Variants in HIVEP3 observed in about 807,000 individuals in gnomAD.
HIVEP3 encodes transcription factor HIVEP3.
A neutral mutation model predicts 152.8 loss-of-function variants in HIVEP3; 49 were observed. The observed-to-expected ratio is 0.32, with a 90% CI of 0.26 to 0.41. The LOEUF is 0.41. Ranked by LOEUF, HIVEP3 falls within the 10% of genes least tolerant of loss-of-function variation. The pLI is 1.00. For missense variants in HIVEP3, 2,790 were observed against 3,103.3 expected (o/e 0.90, Z 2.40); for synonymous variants, 1,269 against 1,289.0 (o/e 0.98, Z 0.33).
intron 1 of HIVEP3, among the ~76,000 whole-genome samples, chr1:41,906,847 T>TTTC (rs1557508635): frequency 2.7e-5 from 4 of 146,596 alleles, no homozygotes; most frequent in South Asian, 2.2e-4. Context: ...TTTTTTTTTT[T>TTTC]TCTCTCTCTC....
At chr1:41,980,154 T>C (rs1189441393) in intron 1 of HIVEP3, among the ~76,000 whole-genome samples, 1 of 152,214 alleles carries the variant, frequency 6.6e-6, no homozygotes, top group Non-Finnish European at 1.5e-5. Flanking sequence ...AATTTGGCAG[T>C]TTCTTAAAAC....
At chr1:41,644,978 C>T (rs958376336) in intron 2 of HIVEP3, among the ~76,000 whole-genome samples, 1 of 152,150 alleles carries the variant, frequency 6.6e-6, no homozygotes, top group Admixed American at 6.5e-5. Flanking sequence ...TGCAGAAACA[C>T]TCTGACGCAT....
In HIVEP3 at chr1:41,516,661, C is replaced by T. The variant is rs973946547; in HGVS notation, c.5470+1741G>A. The stretch of plus-strand genomic sequence containing the variant: ...CTCCAGGGCACCCCCCCATGCCCTT[C>T]AGCCCTCAGGCTCTAGCTCTCTCTG... On this transcript the variant is annotated intron_variant, in intron 7 of 8. Transcript: ENST00000372583. Among the ~76,000 whole-genome samples, 3 of 152,208 alleles carry T rather than the reference C, an allele frequency of 2.0e-5. No individual in the cohort carries two copies. In the East Asian group the frequency reaches 5.8e-4, roughly 29 times the overall value.
intron 1 of HIVEP3, chr1:41,847,936 C>A (rs1273056085): frequency 6.6e-6 from 1 of 152,408 alleles, no homozygotes; most frequent in African/African-American, 2.4e-5. Context: ...CAGCCTCTTG[C>A]AGAAGTGGAT....
chr1:41,639,298 T>C (rs1454727042), intron 2 of HIVEP3, among the ~76,000 whole-genome samples: 1 of 152,184 alleles, frequency 6.6e-6, no homozygotes, highest in Admixed American at 6.5e-5. Context: ...AGAGAATTAC[T>C]GGCATGCCTC....
chr1:41,589,055 A>G (rs1285352726), intron 3 of HIVEP3, among the ~76,000 whole-genome samples: 2 of 152,244 alleles, frequency 1.3e-5, no homozygotes, highest in African/African-American at 4.8e-5. Context: ...CACTAAGAAA[A>G]TGGTTCTTTT....
chr1:41,555,606 C>G (rs1643954276), intron 5 of HIVEP3, among the ~76,000 whole-genome samples: 1 of 152,350 alleles, frequency 6.6e-6, no homozygotes, highest in South Asian at 2.1e-4. Flanking sequence ...CAGACCACAG[C>G]TGTTCCTATT....
chr1:41,623,078 C>T (rs1645068412), intron 3 of HIVEP3, among the ~76,000 whole-genome samples: 1 of 152,208 alleles, frequency 6.6e-6, no homozygotes, highest in Admixed American at 6.5e-5. Flanking sequence ...AGCTGGGGCC[C>T]TCAGTGCCAA....
In HIVEP3 at chr1:41,548,087, C is replaced by T. The variant is rs538198369; in HGVS notation, c.5208-23177G>A. On this transcript the variant is annotated intron_variant, in intron 5 of 8. Transcript: ENST00000372583. ...AATCCTCAGACCTCAGCTCGAATGC[C>T]AGGTCCTCAGAGGTGCTTTCTGAGC... Among the ~76,000 whole-genome samples, 13 of 152,302 alleles carry T rather than the reference C, an allele frequency of 8.5e-5. 1 individual carries two copies. The South Asian group carries it at 2.7e-3, about 32-fold the overall frequency.
chr1:41,640,849 T>C (rs1645361376), intron 2 of HIVEP3, among the ~76,000 whole-genome samples: 1 of 152,198 alleles, frequency 6.6e-6, no homozygotes, highest in African/African-American at 2.4e-5. Context: ...AACAGAGAGA[T>C]GTGGACAGCC....
At chr1:41,840,060 C>T (rs1012736636) in intron 1 of HIVEP3, among the ~76,000 whole-genome samples, 1 of 152,098 alleles carries the variant, frequency 6.6e-6, no homozygotes, top group Non-Finnish European at 1.5e-5. Context: ...CACAGTGCTG[C>T]CTAAACTGTT....
At chr1:41,731,313 C>G (rs1475967039) in intron 1 of HIVEP3, among the ~76,000 whole-genome samples, 1 of 152,118 alleles carries the variant, frequency 6.6e-6, no homozygotes, top group Non-Finnish European at 1.5e-5. Context: ...AGTGGCAGAC[C>G]CCCTGAATCC....
At chr1:41,883,907 A>G (rs934368195) in intron 1 of HIVEP3, among the ~76,000 whole-genome samples, 2 of 152,228 alleles carry the variant, frequency 1.3e-5, no homozygotes, top group Non-Finnish European at 2.9e-5. Context: ...TTAAGAAAAA[A>G]ATGGAGTAAC....
intron 1 of HIVEP3, among the ~76,000 whole-genome samples, chr1:41,983,469 T>G (rs1645305319): frequency 6.6e-6 from 1 of 152,046 alleles, no homozygotes; most frequent in African/African-American, 2.4e-5. Context: ...CACATACACA[T>G]GCATAAATAT....
intron 1 of HIVEP3, among the ~76,000 whole-genome samples, chr1:41,910,547 G>C (rs2124464246): frequency 6.6e-6 from 1 of 151,952 alleles, no homozygotes; most frequent in African/African-American, 2.4e-5. Context: ...CCAAGGATAA[G>C]ATAAGAAGTG....
At chr1:41,548,484 A>T (rs1337456710) in intron 5 of HIVEP3, among the ~76,000 whole-genome samples, 2 of 152,038 alleles carry the variant, frequency 1.3e-5, no homozygotes, top group African/African-American at 2.4e-5. Context: ...AACTCTTTTT[A>T]AAATTGTGGT....
rs1644111353 is a variant in HIVEP3, at chr1:41,873,138, C to G, written c.-801+45275G>C. On this transcript the variant is annotated intron_variant, in intron 1 of 8. Transcript: ENST00000372583. The surrounding 1 kb of genome is among the most constrained non-coding windows in gnomAD (Gnocchi z 4.2). Reference sequence around the variant, plus strand: ...GGCGGCTTCCCAGGCAGGGTCTGCTCAGGACTGCTCTAGCCAGATGCCTCC... The same window carrying G: ...GGCGGCTTCCCAGGCAGGGTCTGCTGAGGACTGCTCTAGCCAGATGCCTCC... Among the ~76,000 whole-genome samples, 3 of 152,222 alleles carry G rather than the reference C, an allele frequency of 2.0e-5. No individual in the cohort carries two copies. In the South Asian group the frequency reaches 6.2e-4, roughly 31 times the overall value.
intron 1 of HIVEP3, among the ~76,000 whole-genome samples, chr1:41,868,197 G>GGT (rs376642012): frequency 4.1e-5 from 6 of 146,232 alleles, no homozygotes; most frequent in East Asian, 4.0e-4. Context: ...GTTTGTGGGG[G>GGT]TTTTTTTTTT....
At chr1:41,844,838 T>C (rs905217412) in intron 1 of HIVEP3, among the ~76,000 whole-genome samples, 1 of 152,228 alleles carries the variant, frequency 6.6e-6, no homozygotes, top group African/African-American at 2.4e-5. Flanking sequence ...ACATCTCATA[T>C]AGAATAATCT....
Sources: gnomAD v4.1 joint callset for allele counts (sites outside exome capture counted in the v4.1 genomes callset) on GRCh38, gnomAD v4.1.1 for gene constraint, Gnocchi (gnomAD v3.1) non-coding constraint, MANE v1.5 for transcripts, NCBI Gene and HGNC (gene_info 2026-07-23, HGNC 2026-07-21) for gene names.